Variants in ATP2C2 observed in about 807,000 individuals in gnomAD.
The protein encoded by ATP2C2 is calcium-transporting ATPase type 2C member 2.
ATP2C2 carries 171 observed loss-of-function variants against 110.8 expected under a neutral mutation model. The observed-to-expected ratio is 1.54, with a 90% confidence interval of 1.36 to 1.75. ATP2C2 has a LOEUF of 1.75. ATP2C2 is among the 40% of genes most tolerant of loss of function. The pLI, the probability that ATP2C2 is intolerant of heterozygous loss-of-function variation, is 0.00. For missense variants in ATP2C2, 1,963 were observed against 1,235.0 expected (o/e 1.59, Z -8.84); for synonymous variants, 804 against 508.4 (o/e 1.58, Z -7.82).
At chr16:84,370,794 C>A (rs118158969) in intron 1 of ATP2C2, among the ~76,000 whole-genome samples, 1 of 151,790 alleles carries the variant, frequency 6.6e-6, no homozygotes, top group Non-Finnish European at 1.5e-5. Flanking sequence ...CTGTAGGAGG[C>A]CTCTAAGCCC....
intron 1 of ATP2C2, among the ~76,000 whole-genome samples, chr16:84,391,186 G>C (rs1402793145): frequency 6.6e-6 from 1 of 151,822 alleles, no homozygotes; most frequent in Non-Finnish European, 1.5e-5. Flanking sequence ...GTGATGGAGA[G>C]GGAGAATTAG....
Position 84,368,564 on chromosome 16 carries a change from C to T in ATP2C2, c.-52C>T. The T allele has an allele frequency of 1.4e-6, 2 of 1,419,998 alleles. No individual in the cohort carries two copies. Among genetic ancestry groups the T allele is most frequent in the Non-Finnish European group, 1.9e-6 (2 of 1,042,534 alleles). 88.0% of individuals were successfully genotyped at this position (1,419,998 alleles called of 1,614,324 possible). ...GGAGGCTTGGGCGCGCGCAGCCATC[C>T]CGGGCCTCGCCGGGGACCTAGGGAC... On this transcript the variant is annotated 5_prime_UTR_variant, in exon 1 of 27. Coordinates refer to ENST00000262429, the MANE Select transcript of ATP2C2 (RefSeq NM_014861.4).
At chr16:84,418,182 G>C (rs528221246) in intron 7 of ATP2C2, among the ~76,000 whole-genome samples, 1 of 152,324 alleles carries the variant, frequency 6.6e-6, no homozygotes, top group South Asian at 2.1e-4. Flanking sequence ...CTTGGAGGTG[G>C]GGGCACCGGG....
intron 1 of ATP2C2, among the ~76,000 whole-genome samples, chr16:84,375,625 G>A (rs1196274290): frequency 6.6e-6 from 1 of 152,142 alleles, no homozygotes; most frequent in African/African-American, 2.4e-5. Flanking sequence ...CACCCACGTG[G>A]ATTCCACGAT....
Position 84,369,072 on chromosome 16 carries a change from T to C in ATP2C2, c.99+358T>C, listed in dbSNP as rs145618700. Among the ~76,000 whole-genome samples the C allele has an allele frequency of 1.7e-3, 252 of 152,368 alleles. 3 individuals carry two copies. Among genetic ancestry groups the C allele is most frequent in the African/African-American group, 5.9e-3 (246 of 41,584 alleles). On this transcript the variant is annotated intron_variant, in intron 1 of 26. Coordinates refer to ENST00000262429, the MANE Select transcript of ATP2C2 (RefSeq NM_014861.4). Reference sequence around the variant, plus strand: ...CTGGGTCTCCAGACTTGGGCTGCTTTATGGATTTTTAAAACTTAAATTGGA... The same window carrying C: ...CTGGGTCTCCAGACTTGGGCTGCTTCATGGATTTTTAAAACTTAAATTGGA...
chr16:84,390,309 C>G (rs535716914), intron 1 of ATP2C2, among the ~76,000 whole-genome samples: 165 of 152,346 alleles, frequency 1.1e-3, no homozygotes, highest in African/African-American at 3.8e-3. Context: ...CTGGAGTGAG[C>G]TCACAGCTCC....
intron 1 of ATP2C2, among the ~76,000 whole-genome samples, chr16:84,391,561 G>C (rs947593795): frequency 6.6e-6 from 1 of 152,326 alleles, no homozygotes; most frequent in South Asian, 2.1e-4. Context: ...AGAGACGCTT[G>C]GGAATATAGC....
chr16:84,412,898 C>G (rs982806929), intron 6 of ATP2C2, among the ~76,000 whole-genome samples: 2 of 151,648 alleles, frequency 1.3e-5, no homozygotes, highest in Admixed American at 6.6e-5. Context: ...GAGTTCAAGA[C>G]CAGCCTGGCC....
At chr16:84,448,794 G>C (rs2045186754) in intron 17 of ATP2C2, 105 bp downstream of exon 17, 1 of 1,451,386 alleles carries the variant, frequency 6.9e-7, no homozygotes, top group African/African-American at 1.4e-5. Context: ...CCGTCCCAAG[G>C]AGTCAGGCAG....
rs370005956 is a variant in ATP2C2 at position 84,453,232 on chromosome 16, G to A, written c.1926G>A (p.Gly642=). 36 of 1,613,948 alleles carry A rather than the reference G, an allele frequency of 2.2e-5. No homozygotes were observed. The African/African-American group carries it at 3.6e-4, about 16-fold the overall frequency. Residue 642 remains glycine (G), a synonymous_variant, in exon 19 of 27, where the codon GGG becomes GGA. Transcript: ENST00000262429. The part of the protein sequence containing the change: ...VEKGELADRV[G]KVSVFFRTSP... The stretch of plus-strand genomic sequence containing the variant: ...AGGGCGAGCTGGCCGACCGCGTGGG[G>A]AAGGTGGGTCCCCGGAGGCTTGGCT...
At chr16:84,394,476 T>C (rs1455335319) in intron 1 of ATP2C2, among the ~76,000 whole-genome samples, 1 of 152,114 alleles carries the variant, frequency 6.6e-6, no homozygotes, top group Admixed American at 6.5e-5. Flanking sequence ...TTCTTCCGCT[T>C]AGTGTGATGT....
At chr16:84,433,683 A>C (rs907462169) in intron 11 of ATP2C2, among the ~76,000 whole-genome samples, 49 of 150,512 alleles carry the variant, frequency 3.3e-4, no homozygotes, top group Non-Finnish European at 5.9e-5. Flanking sequence ...ACAACAACAA[A>C]ACACACACAC....
intron 1 of ATP2C2, among the ~76,000 whole-genome samples, chr16:84,369,497 C>T (rs1200795264): frequency 2.0e-5 from 3 of 150,886 alleles, no homozygotes; most frequent in Admixed American, 1.3e-4. Context: ...GCCAGAGGGT[C>T]GTTGCACTTT....
At chr16:84,410,249 G>A (rs995464026) in intron 4 of ATP2C2, among the ~76,000 whole-genome samples, 3 of 152,270 alleles carry the variant, frequency 2.0e-5, no homozygotes, top group East Asian at 1.9e-4. Context: ...CTGCTATGGA[G>A]AAGGGTGTTT....
At chr16:84,432,753 T>A (rs1025114335) in intron 11 of ATP2C2, among the ~76,000 whole-genome samples, 1 of 152,074 alleles carries the variant, frequency 6.6e-6, no homozygotes, top group African/African-American at 2.4e-5. Flanking sequence ...ACTCCTGACC[T>A]CAGGTGATCT....
chr16:84,449,639 G>C (rs1438107370), intron 17 of ATP2C2, among the ~76,000 whole-genome samples: 2 of 152,202 alleles, frequency 1.3e-5, no homozygotes, highest in South Asian at 2.1e-4. Context: ...CAGGTGATCT[G>C]AGAGGGGCTG....
intron 18 of ATP2C2, among the ~76,000 whole-genome samples, chr16:84,452,884 A>G (rs904432094): frequency 6.6e-6 from 1 of 151,994 alleles, no homozygotes; most frequent in Non-Finnish European, 1.5e-5. Flanking sequence ...GTCAGGTTCC[A>G]GTGTTACTCC....
At chr16:84,379,682 T>G (rs1341339044) in intron 1 of ATP2C2, among the ~76,000 whole-genome samples, 2 of 152,182 alleles carry the variant, frequency 1.3e-5, no homozygotes, top group African/African-American at 2.4e-5. Flanking sequence ...TCTGGGTGAT[T>G]AGCTTCTCTG....
At chr16:84,392,284 C>T (rs1904708459) in intron 1 of ATP2C2, among the ~76,000 whole-genome samples, 1 of 152,094 alleles carries the variant, frequency 6.6e-6, no homozygotes, top group African/African-American at 2.4e-5. Context: ...ATCACAATTA[C>T]CATTATCATA....
Sources: gnomAD v4.1 joint callset for allele counts (sites outside exome capture counted in the v4.1 genomes callset) on GRCh38, gnomAD v4.1.1 for gene constraint, MANE v1.5 for transcripts, NCBI Gene and HGNC (gene_info 2026-07-23, HGNC 2026-07-21) for gene names.